Variants in PCDHGA3 observed in about 807,000 individuals in gnomAD.
The protein encoded by PCDHGA3 is protocadherin gamma-A3.
PCDHGA3 carries 40 observed loss-of-function variants against 58.5 expected under a neutral mutation model. That is an observed-to-expected ratio of 0.68 (90% confidence interval 0.53 to 0.89). The LOEUF is 0.89. Ranked by LOEUF, PCDHGA3 falls within the 40% of genes least tolerant of loss-of-function variation. The pLI, the probability that PCDHGA3 is intolerant of heterozygous loss-of-function variation, is 0.00. For missense variants in PCDHGA3, 1,223 were observed against 1,195.9 expected (o/e 1.02, Z -0.33); for synonymous variants, 530 against 525.7 (o/e 1.01, Z -0.11).
At chr5:141,453,700 G>A (rs953445370) in intron 1 of PCDHGA3, among the ~76,000 whole-genome samples, 1 of 152,166 alleles carries the variant, frequency 6.6e-6, no homozygotes, top group Non-Finnish European at 1.5e-5. Flanking sequence ...TCCTGGCTTT[G>A]AACAGTTTCA....
Position 141,419,681 on chromosome 5 carries a change from G to A in PCDHGA3, c.2424+73224G>A, listed in dbSNP as rs377117997. ...GCACAATGCCTGGCTGTCCTACCACGTGGTGCAGGCCAGTGAGCCCGGGCT... is the reference window on the plus strand; with the variant it reads ...GCACAATGCCTGGCTGTCCTACCACATGGTGCAGGCCAGTGAGCCCGGGCT... On this transcript the variant is annotated intron_variant, in intron 1 of 3. Coordinates refer to ENST00000253812, the MANE Select transcript of PCDHGA3 (RefSeq NM_018916.4). 76 of 1,612,904 alleles carry A rather than the reference G, an allele frequency of 4.7e-5. No homozygotes were observed. The highest frequency in any genetic ancestry group is 5.7e-5 in the Non-Finnish European group (67 of 1,179,706).
intron 1 of PCDHGA3, chr5:141,366,607 C>A: frequency 6.2e-7 from 1 of 1,614,268 alleles, no homozygotes; most frequent in Non-Finnish European, 8.5e-7. Context: ...AGGTCTCCCT[C>A]ACCGCGGACT....
chr5:141,428,065 C>T lies in PCDHGA3; in HGVS notation c.2425-66742C>T, dbSNP rs1028782772. 6 of 1,609,086 alleles carry T rather than the reference C, an allele frequency of 3.7e-6. No individual in the cohort carries two copies. The African/African-American group carries it at 6.7e-5, about 18-fold the overall frequency. ...GTGACCAAGGTGGTGGCGGTGGACGCAGATTCGGGACACAACGCTTGGCTG... is the reference window on the plus strand; with the variant it reads ...GTGACCAAGGTGGTGGCGGTGGACGTAGATTCGGGACACAACGCTTGGCTG... On this transcript the variant is annotated intron_variant, in intron 1 of 3. Coordinates refer to ENST00000253812, the MANE Select transcript of PCDHGA3 (RefSeq NM_018916.4).
At chr5:141,379,981 C>T (rs968805615) in intron 1 of PCDHGA3, among the ~76,000 whole-genome samples, 16 of 135,132 alleles carry the variant, frequency 1.2e-4, no homozygotes, top group Non-Finnish European at 2.3e-4. Context: ...CTCACTGCAA[C>T]TTCCTCCTCC....
rs1486791355 is a variant in PCDHGA3 at position 141,476,804 on chromosome 5, A to G, written c.2425-18003A>G. Reference sequence around the variant, plus strand: ...CCCAGCTCTCTCCGCCAGCCTGCCTATTCACATCAAGGTGCTGGACGCGAA... The same window carrying G: ...CCCAGCTCTCTCCGCCAGCCTGCCTGTTCACATCAAGGTGCTGGACGCGAA... On this transcript the variant is annotated intron_variant, in intron 1 of 3. Coordinates refer to ENST00000253812, the MANE Select transcript of PCDHGA3 (RefSeq NM_018916.4). The surrounding 1 kb of genome is among the most constrained non-coding windows in gnomAD (Gnocchi z 7.6). 5 of 1,613,476 alleles carry G rather than the reference A, an allele frequency of 3.1e-6. No individual in the cohort carries two copies. Among genetic ancestry groups the G allele is most frequent in the South Asian group, 2.2e-5 (2 of 91,080 alleles).
intron 1 of PCDHGA3, among the ~76,000 whole-genome samples, chr5:141,492,745 C>G (rs2099743569): frequency 6.6e-6 from 1 of 152,262 alleles, no homozygotes; most frequent in Non-Finnish European, 1.5e-5. Flanking sequence ...GTGGCCGAGG[C>G]GCGGCAGGGC....
intron 1 of PCDHGA3, among the ~76,000 whole-genome samples, chr5:141,473,990 G>A (rs988540565): frequency 2.0e-5 from 3 of 152,130 alleles, no homozygotes; most frequent in African/African-American, 7.2e-5. Flanking sequence ...GATCCCTTGA[G>A]CCCAAGGAGC....
rs750033444 is a variant in PCDHGA3 at position 141,432,950 on chromosome 5, G to C, written c.2425-61857G>C. 1.2e-6 allele frequency: 2 copies of C among 1,614,190 alleles called. No homozygotes were observed. The highest frequency in any genetic ancestry group is 1.7e-6 in the Non-Finnish European group (2 of 1,180,032). ...ACGCCTGCTGCAGGCTTCAGGAGGC[G>C]GCTTGACAGGAGCGCCGGCGTCGCA... On this transcript the variant is annotated intron_variant, in intron 1 of 3. Transcript: ENST00000253812. The surrounding 1 kb of genome is among the most constrained non-coding windows in gnomAD (Gnocchi z 6.0).
chr5:141,349,333 G>A (rs1165522229), intron 1 of PCDHGA3, among the ~76,000 whole-genome samples: 1 of 152,088 alleles, frequency 6.6e-6, no homozygotes, highest in Non-Finnish European at 1.5e-5. Flanking sequence ...GCCTCCCAAA[G>A]TGCTGGGATC....
In PCDHGA3 at chr5:141,385,180, G is replaced by A. The variant is rs200338637; in HGVS notation, c.2424+38723G>A. On this transcript the variant is annotated intron_variant, in intron 1 of 3. Coordinates refer to ENST00000253812, the MANE Select transcript of PCDHGA3 (RefSeq NM_018916.4). ...CTATTCCCATGAGGTCTCCCTCACC[G>A]CGGACTCTCGGAAGAGTCACCTGAT... The A allele has an allele frequency of 2.4e-4, 390 of 1,614,178 alleles. 1 individual carries two copies. The highest frequency in any genetic ancestry group is 3.1e-4 in the Non-Finnish European group (365 of 1,180,034).
chr5:141,430,938 C>A, intron 1 of PCDHGA3: 1 of 1,607,082 alleles, frequency 6.2e-7, no homozygotes, highest in Non-Finnish European at 8.5e-7. Context: ...CGGGAGCTCG[C>A]GGAGCGCGGA....
At chr5:141,445,118 G>A (rs964726987) in intron 1 of PCDHGA3, among the ~76,000 whole-genome samples, 1 of 152,148 alleles carries the variant, frequency 6.6e-6, no homozygotes, top group Non-Finnish European at 1.5e-5. Flanking sequence ...ATTGTAAATA[G>A]TATTTTTAAA....
Position 141,491,262 on chromosome 5 carries a change from G to A in PCDHGA3, c.2425-3545G>A. ...TGGAGGATGAGGACCCTGAGGAAATGCCCAAATCCAGTGACTTCCTCATAC... is the reference window on the plus strand; with the variant it reads ...TGGAGGATGAGGACCCTGAGGAAATACCCAAATCCAGTGACTTCCTCATAC... On this transcript the variant is annotated intron_variant, in intron 1 of 3. Transcript: ENST00000253812. The surrounding 1 kb of genome is among the most constrained non-coding windows in gnomAD (Gnocchi z 6.9). 2 of 1,614,122 alleles carry A rather than the reference G, an allele frequency of 1.2e-6. No individual in the cohort carries two copies. Among genetic ancestry groups the A allele is most frequent in the Non-Finnish European group, 1.7e-6 (2 of 1,179,952 alleles).
rs1280755615 is a variant in PCDHGA3 at position 141,431,629 on chromosome 5, A to C, written c.2425-63178A>C. On this transcript the variant is annotated intron_variant, in intron 1 of 3. Transcript: ENST00000253812. This position sits in a 1 kb window ranked among gnomAD's most constrained non-coding sequence, Gnocchi z 4.8. ...GGTATGTGGACGACAAGGCGGCCCA[A>C]GTTTTCAAACTAGATTGTAATTCAG... 6.2e-7 allele frequency: 1 copy of C among 1,614,246 alleles called. No individual in the cohort carries two copies. Among genetic ancestry groups the C allele is most frequent in the South Asian group, 1.1e-5 (1 of 91,090 alleles).
At chr5:141,505,536 C>T (rs749205049) in intron 3 of PCDHGA3, 55 bp downstream of exon 3, 9 of 1,610,164 alleles carry the variant, frequency 5.6e-6, no homozygotes, top group Non-Finnish European at 7.6e-6. Context: ...TTCTGGGGTG[C>T]ATCTCACAGC....
At position 141,476,161 on chromosome 5, in the gene PCDHGA3, G is replaced by A. The variant is rs748660112; in HGVS notation, c.2425-18646G>A. 21 of 1,613,012 alleles carry A rather than the reference G, an allele frequency of 1.3e-5. No homozygotes were observed. Among genetic ancestry groups the A allele is most frequent in the Non-Finnish European group, 1.8e-5 (21 of 1,179,922 alleles). On this transcript the variant is annotated intron_variant, in intron 1 of 3. Transcript: ENST00000253812. The surrounding 1 kb of genome is among the most constrained non-coding windows in gnomAD (Gnocchi z 7.6). ...GGAGCGGACTGGTAAGCACCGGGAG[G>A]GTAGTGGGAGTTTTGCTTCTGCTTG... is the stretch of plus-strand genomic sequence containing the variant.
At chr5:141,387,099 T>C (rs997819435) in intron 1 of PCDHGA3, among the ~76,000 whole-genome samples, 3 of 152,210 alleles carry the variant, frequency 2.0e-5, no homozygotes, top group Admixed American at 1.3e-4. Context: ...GAAATGAGAA[T>C]CACATAATAT....
In PCDHGA3 at chr5:141,376,671, G is replaced by T. The variant is rs541543618; in HGVS notation, c.2424+30214G>T. Reference sequence around the variant, plus strand: ...GGAAGACTCCCTTGTTCAGGTGAGGGTATCGTTTTTTTTTTTTTTTTTTTT... The same window carrying T: ...GGAAGACTCCCTTGTTCAGGTGAGGTTATCGTTTTTTTTTTTTTTTTTTTT... On this transcript the variant is annotated intron_variant, in intron 1 of 3. Transcript: ENST00000253812. The T allele has an allele frequency of 4.4e-4, 244 of 553,734 alleles. 1 individual carries two copies. The East Asian group carries it at 5.1e-3, about 12-fold the overall frequency. 34.3% of individuals were successfully genotyped at this position (553,734 alleles called of 1,614,324 possible).
chr5:141,469,206 AG>A (rs1457933263), intron 1 of PCDHGA3, among the ~76,000 whole-genome samples: 1 of 150,920 alleles, frequency 6.6e-6, no homozygotes, highest in African/African-American at 2.4e-5. Context: ...AGCCTTTTGA[AG>A]TTGAGGCTTC....
Sources: gnomAD v4.1 joint callset for allele counts (sites outside exome capture counted in the v4.1 genomes callset) on GRCh38, gnomAD v4.1.1 for gene constraint, Gnocchi (gnomAD v3.1) non-coding constraint, MANE v1.5 for transcripts, NCBI Gene and HGNC (gene_info 2026-07-23, HGNC 2026-07-21) for gene names.